Variants in HIPK3 observed in about 807,000 individuals in gnomAD.
The protein encoded by HIPK3 is homeodomain-interacting protein kinase 3.
HIPK3 carries 47 observed loss-of-function variants against 124.2 expected under a neutral mutation model. The ratio of observed to expected loss-of-function variants is 0.38; its 90% CI spans 0.30 to 0.48. The LOEUF (loss-of-function observed/expected upper bound fraction) is 0.48, where lower values mean the gene tolerates loss of function less well. Ranked by LOEUF, HIPK3 falls within the 20% of genes least tolerant of loss-of-function variation. The pLI is 0.98. For synonymous variants in HIPK3, 482 were observed against 515.2 expected (o/e 0.94, Z 0.87); for missense variants, 1,286 against 1,454.3 (o/e 0.88, Z 1.88).
intron 1 of HIPK3, 92 bp downstream of exon 1, chr11:33,257,981 C>A: frequency 1.1e-6 from 1 of 952,300 alleles, no homozygotes; most frequent in Non-Finnish European, 1.3e-6. Context: ...CAAGCCTGAC[C>A]CGGGCCTGGC....
intron 7 of HIPK3, 41 bp from the exon 8 acceptor site, chr11:33,341,522 C>T: frequency 6.5e-7 from 1 of 1,527,372 alleles, no homozygotes; most frequent in Non-Finnish European, 8.8e-7. Flanking sequence ...GTGTATATTT[C>T]ATTTAGAAGA....
At position 33,341,610 on chromosome 11, in the gene HIPK3, G is replaced by A. The variant is rs1330225435; in HGVS notation, c.1821G>A (p.Leu607=). The A allele has an allele frequency of 1.2e-6, 2 of 1,613,834 alleles. No homozygotes were observed. Among genetic ancestry groups the A allele is most frequent in the East Asian group, 2.2e-5 (1 of 44,866 alleles). Reference sequence around the variant, plus strand: ...CAGTTGTGCACCATGGAATACCTCTGCAGGCAGGAACTGCTCAGTTTGGTT... The same window carrying A: ...CAGTTGTGCACCATGGAATACCTCTACAGGCAGGAACTGCTCAGTTTGGTT... ...AHSVVHHGIP[L]QAGTAQFGCG... The change falls in exon 8 of 17, where the codon CTG becomes CTA. Residue 607 remains leucine, a synonymous_variant. Transcript: ENST00000303296.
At chr11:33,266,164 C>T (rs1488136741) in intron 1 of HIPK3, among the ~76,000 whole-genome samples, 1 of 151,140 alleles carries the variant, frequency 6.6e-6, no homozygotes, top group Non-Finnish European at 1.5e-5. Context: ...AACACGTGGT[C>T]CCAGCTTTGA....
At position 33,257,481 on chromosome 11, in the gene HIPK3, C is replaced by T. The variant is rs953080650; in HGVS notation, c.-411C>T. 20 of 985,678 alleles carry T rather than the reference C, an allele frequency of 2.0e-5. No individual in the cohort carries two copies. The highest frequency in any genetic ancestry group is 3.5e-5 in the African/African-American group (2 of 57,238). 61.1% of individuals were successfully genotyped at this position (985,678 alleles called of 1,614,324 possible). ...CACCACTCCCGCCAGTCTTCCTTCT[C>T]CGCTCCCGGCCGGGGCGTCAGGAAT... On this transcript the variant is annotated 5_prime_UTR_variant, in exon 1 of 17. Coordinates refer to ENST00000303296, the MANE Select transcript of HIPK3 (RefSeq NM_005734.5).
chr11:33,346,694 T>C (rs1474985568), intron 8 of HIPK3, among the ~76,000 whole-genome samples: 1 of 152,200 alleles, frequency 6.6e-6, no homozygotes, highest in African/African-American at 2.4e-5. Context: ...AAATAAAGCT[T>C]CAATAGCAAA....
intron 3 of HIPK3, among the ~76,000 whole-genome samples, chr11:33,332,477 A>T (rs1369213931): frequency 6.6e-6 from 1 of 152,168 alleles, no homozygotes; most frequent in Non-Finnish European, 1.5e-5. Context: ...GGATGGATGG[A>T]TGGTTGAATG....
chr11:33,305,743 TTTTG>T (rs879352661), intron 2 of HIPK3, among the ~76,000 whole-genome samples: 5 of 152,234 alleles, frequency 3.3e-5, no homozygotes, highest in Non-Finnish European at 4.4e-5. Context: ...CTGGTGGATT[TTTTG>T]TTTGTTTGTT....
intron 8 of HIPK3, among the ~76,000 whole-genome samples, chr11:33,342,912 T>C (rs1291209266): frequency 1.3e-5 from 2 of 152,180 alleles, no homozygotes; most frequent in Non-Finnish European, 2.9e-5. Flanking sequence ...CAAACCTCAC[T>C]ACTGGAATAA....
chr11:33,289,410 A>C (rs1474061644), intron 2 of HIPK3, among the ~76,000 whole-genome samples: 2 of 152,036 alleles, frequency 1.3e-5, no homozygotes, highest in African/African-American at 2.4e-5. Context: ...ATGCCACTGC[A>C]CTCCAGCCTG....
In HIPK3 at chr11:33,340,949, T is replaced by C. The variant is rs1269008289; in HGVS notation, c.1614-19T>C. 6.8e-7 allele frequency: 1 copy of C among 1,473,738 alleles called. No individual in the cohort carries two copies. Among genetic ancestry groups the C allele is most frequent in the Non-Finnish European group, 9.3e-7 (1 of 1,071,870 alleles). The allele number at this position is 1,473,738 out of a possible 1,614,324, so 91.3% of individuals were successfully genotyped here. On this transcript the variant is annotated intron_variant, in intron 6 of 16. Transcript: ENST00000303296. ...GCTTTTAAAATAATACTGTAATACC[T>C]TCACTTTTTCTTTTACAGTGTAAAG... is the stretch of plus-strand genomic sequence containing the variant.
At chr11:33,315,894 A>G (rs1852487425) in intron 2 of HIPK3, among the ~76,000 whole-genome samples, 1 of 152,184 alleles carries the variant, frequency 6.6e-6, no homozygotes, top group African/African-American at 2.4e-5. Context: ...GATCTGGATC[A>G]TTGTCCTGCA....
intron 2 of HIPK3, among the ~76,000 whole-genome samples, chr11:33,297,544 C>G (rs1851875000): frequency 6.6e-6 from 1 of 152,136 alleles, no homozygotes; most frequent in African/African-American, 2.4e-5. Flanking sequence ...TGGAAACTAG[C>G]AGAGGTTGAT....
rs1317698345 is a variant in HIPK3, at chr11:33,260,290, C to T, written c.-3+2401C>T. Among the ~76,000 whole-genome samples the T allele has an allele frequency of 2.0e-5, 3 of 152,164 alleles. No individual in the cohort carries two copies. The East Asian group carries it at 5.8e-4, about 29-fold the overall frequency. ...ATGCAAGATATGGAGAGCCTCCCTG[C>T]ACCCCCTGCAACTTAAAAAAGCAGC... On this transcript the variant is annotated intron_variant, in intron 1 of 16. Coordinates refer to ENST00000303296, the MANE Select transcript of HIPK3 (RefSeq NM_005734.5).
At chr11:33,298,679 C>T (rs1590372947) in intron 2 of HIPK3, among the ~76,000 whole-genome samples, 2 of 152,098 alleles carry the variant, frequency 1.3e-5, no homozygotes, top group Admixed American at 6.5e-5. Context: ...TGGATGACTT[C>T]GAGGGGTTCA....
chr11:33,275,476 T>C (rs1248925874), intron 1 of HIPK3, among the ~76,000 whole-genome samples: 11 of 152,332 alleles, frequency 7.2e-5, no homozygotes, highest in Admixed American at 2.0e-4. Context: ...TACCAACTTA[T>C]TGTCTAGTGT....
At position 33,347,385 on chromosome 11, in the gene HIPK3, C is replaced by T; in HGVS notation, c.1990C>T (p.Leu664=). ...AACTCAGGCCCCAGCTGTGCAGCCA[C>T]TACAGATCCGACCAGGAGTTCTTTC... is the stretch of plus-strand genomic sequence containing the variant. ...LVTQAPAVQP[L]QIRPGVLSQT... is the part of the protein sequence containing the mutation. The change falls in exon 9 of 17, where the codon CTA becomes TTA. Residue 664 remains leucine, a synonymous_variant. Coordinates refer to ENST00000303296, the MANE Select transcript of HIPK3 (RefSeq NM_005734.5). 6.2e-7 allele frequency: 1 copy of T among 1,614,098 alleles called. No individual in the cohort carries two copies. The highest frequency in any genetic ancestry group is 1.1e-5 in the South Asian group (1 of 91,086).
chr11:33,340,055 TATTACAA>T (rs1853284004), intron 6 of HIPK3, among the ~76,000 whole-genome samples: 1 of 152,160 alleles, frequency 6.6e-6, no homozygotes, highest in Non-Finnish European at 1.5e-5. Flanking sequence ...AGGCCTTAAA[TATTACAA>T]ATTCTTTGTG....
At chr11:33,289,343 G>A (rs1291998922) in intron 2 of HIPK3, among the ~76,000 whole-genome samples, 2 of 152,034 alleles carry the variant, frequency 1.3e-5, no homozygotes, top group East Asian at 3.9e-4. Context: ...TATTCAAGAG[G>A]CTGAGGTAGG....
intron 16 of HIPK3, 25 bp from the exon 17 acceptor site, chr11:33,353,067 A>ATTTTT (rs372470144): frequency 2.0e-5 from 21 of 1,041,668 alleles, no homozygotes; most frequent in South Asian, 3.5e-5. Flanking sequence ...TTATTCAGTC[A>ATTTTT]TTTTTTTTTT....
Sources: allele counts gnomAD v4.1 joint callset (sites outside exome capture counted in the v4.1 genomes callset), GRCh38; gene constraint gnomAD v4.1.1; transcripts MANE v1.5; gene names NCBI Gene and HGNC (gene_info 2026-07-23, HGNC 2026-07-21).